DLGAP1: variants seen among roughly 807,000 people sequenced by gnomAD.
The protein encoded by DLGAP1 is disks large-associated protein 1.
In DLGAP1, 11 loss-of-function variants were observed where a neutral mutation model predicts 90.8. The observed-to-expected ratio is 0.12, with a 90% CI of 0.08 to 0.20. The LOEUF is 0.20. Among genes scored for constraint, DLGAP1 ranks in the 10% least tolerant of loss-of-function variants. The probability of loss-of-function intolerance (pLI) is 1.00; values close to 1 mark genes in which losing one functional copy is unlikely to be tolerated. For synonymous variants in DLGAP1, 558 were observed against 540.7 expected, an observed-to-expected ratio of 1.03 and a Z score of -0.44; for missense variants, 1,050 against 1,333.8, an observed-to-expected ratio of 0.79 and a Z score of 3.31.
At chr18:3,780,671 G>T (rs180694785) in intron 5 of DLGAP1, among the ~76,000 whole-genome samples, 123 of 152,150 alleles carry the variant, frequency 8.1e-4, no homozygotes, top group Admixed American at 1.4e-3. Context: ...ATTCTTCCTT[G>T]CCATGTAACA....
chr18:4,388,258 G>A (rs1445409439), intron 1 of DLGAP1, among the ~76,000 whole-genome samples: 1 of 152,034 alleles, frequency 6.6e-6, no homozygotes, highest in Non-Finnish European at 1.5e-5. Context: ...ACTCAAGAAT[G>A]ACACTCAAGT....
intron 5 of DLGAP1, among the ~76,000 whole-genome samples, chr18:3,787,008 T>C (rs2065481438): frequency 1.3e-5 from 2 of 152,200 alleles, no homozygotes. Flanking sequence ...AAATGGTGAA[T>C]CTTGAAACCC....
At position 4,159,704 on chromosome 18, in the gene DLGAP1, G is replaced by T. The variant is rs74864894; in HGVS notation, c.-266-8417C>A. Among the ~76,000 whole-genome samples, 46 of 152,204 alleles carry T rather than the reference G, an allele frequency of 3.0e-4. 1 individual carries two copies. Among genetic ancestry groups the T allele is most frequent in the Non-Finnish European group, 5.4e-4 (37 of 68,016 alleles). On this transcript the variant is annotated intron_variant, in intron 1 of 12. Transcript: ENST00000315677. ...GTAATGTGTACTCAAACATAACCAG[G>T]TATTTTCCAGTTAATTGAAAAGGGC...
At position 3,567,161 on chromosome 18, in the gene DLGAP1, T is replaced by C. The variant is rs181587916; in HGVS notation, c.2057+329A>G. Among the ~76,000 whole-genome samples, 12 of 152,298 alleles carry C rather than the reference T, an allele frequency of 7.9e-5. No homozygotes were observed. The East Asian group carries it at 1.7e-3, about 22-fold the overall frequency. On this transcript the variant is annotated intron_variant, in intron 9 of 12. Transcript: ENST00000315677. ...AGAAATAGAAATAAGGTAAGTTCTC[T>C]TCTCATAAAAAGTGCACTGTCTCAT...
intron 1 of DLGAP1, among the ~76,000 whole-genome samples, chr18:4,332,524 C>T (rs2080975201): frequency 6.6e-6 from 1 of 151,864 alleles, no homozygotes; most frequent in Middle Eastern, 3.4e-3. Flanking sequence ...ACAAGAAATA[C>T]TTTCATTTCC....
intron 7 of DLGAP1, among the ~76,000 whole-genome samples, chr18:3,646,366 C>A (rs1193554438): frequency 1.3e-5 from 2 of 151,954 alleles, no homozygotes; most frequent in Non-Finnish European, 2.9e-5. Flanking sequence ...GCGCTCTAGC[C>A]TGGGCAAGAT....
At chr18:4,408,082 T>C (rs753122062) in intron 1 of DLGAP1, among the ~76,000 whole-genome samples, 4 of 151,968 alleles carry the variant, frequency 2.6e-5, no homozygotes, top group Non-Finnish European at 4.4e-5. Flanking sequence ...GGTGTTGTGA[T>C]AGATACTTTG....
At position 3,874,135 on chromosome 18, in the gene DLGAP1, A is replaced by G. The variant is rs777304302; in HGVS notation, c.957+4977T>C. The G allele has an allele frequency of 5.2e-6, 8 of 1,549,916 alleles. No homozygotes were observed. In the South Asian group the frequency reaches 9.5e-5, roughly 18 times the overall value. On this transcript the variant is annotated intron_variant, in intron 4 of 12. Coordinates refer to ENST00000315677, the MANE Select transcript of DLGAP1 (RefSeq NM_004746.4). ...ACACTATTACCAAATACAAAGTAAT[A>G]AAAGAGTTATACCCAAACCTGGTCA... is the stretch of plus-strand genomic sequence containing the variant.
At chr18:3,650,103 GC>G in intron 7 of DLGAP1, among the ~76,000 whole-genome samples, 1 of 152,098 alleles carries the variant, frequency 6.6e-6, no homozygotes, top group Non-Finnish European at 1.5e-5. Flanking sequence ...GAATGCAGTT[GC>G]ACAATCTCGG....
chr18:3,977,783 T>C, intron 3 of DLGAP1: 1 of 373,836 alleles, frequency 2.7e-6, no homozygotes, highest in Non-Finnish European at 5.1e-6. Flanking sequence ...GAAGAGTGGG[T>C]GATGCTGTTA....
chr18:3,845,762 A>G (rs975375714), intron 4 of DLGAP1, among the ~76,000 whole-genome samples: 4 of 152,222 alleles, frequency 2.6e-5, no homozygotes, highest in African/African-American at 9.6e-5. Context: ...ATGGAAAGAC[A>G]GATGCCTTTT....
intron 7 of DLGAP1, among the ~76,000 whole-genome samples, chr18:3,691,962 G>A (rs574774699): frequency 7.2e-5 from 11 of 151,978 alleles, no homozygotes; most frequent in Non-Finnish European, 1.0e-4. Flanking sequence ...TGAGGAATTA[G>A]TTCATTTAAT....
At chr18:3,596,690 A>C in intron 7 of DLGAP1, 1 of 403,352 alleles carries the variant, frequency 2.5e-6, no homozygotes, top group Admixed American at 3.4e-5. Context: ...TAGTGTGATA[A>C]ATGCTTGTTA....
intron 2 of DLGAP1, among the ~76,000 whole-genome samples, chr18:4,086,413 A>G (rs558996253): frequency 6.6e-6 from 1 of 152,286 alleles, no homozygotes; most frequent in East Asian, 1.9e-4. Context: ...GTTGACTGAA[A>G]ACTTATTCAA....
intron 7 of DLGAP1, among the ~76,000 whole-genome samples, chr18:3,712,817 A>G (rs1017045124): frequency 2.6e-5 from 4 of 152,262 alleles, no homozygotes; most frequent in Non-Finnish European, 5.9e-5. Context: ...TAGCAGGACT[A>G]TAAGTTTAAG....
At chr18:4,252,709 T>C (rs1239288901) in intron 1 of DLGAP1, among the ~76,000 whole-genome samples, 1 of 152,220 alleles carries the variant, frequency 6.6e-6, no homozygotes, top group African/African-American at 2.4e-5. Flanking sequence ...ACCGTAATAA[T>C]TTTTGCAGAA....
intron 4 of DLGAP1, among the ~76,000 whole-genome samples, chr18:3,873,207 G>C (rs2070860746): frequency 6.6e-6 from 1 of 151,934 alleles, no homozygotes; most frequent in Admixed American, 6.6e-5. Flanking sequence ...GAATAAAAGA[G>C]AATCAGAGAG....
chr18:3,928,483 G>T (rs917537588), intron 3 of DLGAP1, among the ~76,000 whole-genome samples: 2 of 152,162 alleles, frequency 1.3e-5, no homozygotes, highest in African/African-American at 4.8e-5. Context: ...GAAGAGAGAA[G>T]AAAATATACT....
intron 1 of DLGAP1, among the ~76,000 whole-genome samples, chr18:4,215,348 G>A (rs1000616417): frequency 1.6e-4 from 25 of 152,086 alleles, no homozygotes; most frequent in African/African-American, 6.0e-4. Flanking sequence ...AATTATCTTT[G>A]TCAATATTTA....
Sources: gnomAD v4.1 joint callset for allele counts (sites outside exome capture counted in the v4.1 genomes callset) on GRCh38, gnomAD v4.1.1 for gene constraint, MANE v1.5 for transcripts, NCBI Gene and HGNC (gene_info 2026-07-23, HGNC 2026-07-21) for gene names.